The following CDH12 variants were observed in gnomAD, a reference collection of about 807,000 sequenced individuals.
CDH12 encodes cadherin 12, also known as cadherin-12.
In CDH12, 41 loss-of-function variants were observed where a neutral mutation model predicts 74.1. The ratio of observed to expected loss-of-function variants is 0.55; its 90% confidence interval spans 0.43 to 0.72. CDH12 has a LOEUF of 0.72. Ranked by LOEUF, CDH12 falls within the 30% of genes least tolerant of loss-of-function variation. CDH12 has a pLI of 0.00. For missense variants in CDH12, 945 were observed against 977.2 expected (o/e 0.97, Z 0.44); for synonymous variants, 399 against 355.0 (o/e 1.12, Z -1.39).
chr5:22,542,668 C>A (rs1212602333), intron 1 of CDH12, among the ~76,000 whole-genome samples: 1 of 152,046 alleles, frequency 6.6e-6, no homozygotes, highest in Non-Finnish European at 1.5e-5. Context: ...AAATGTGATT[C>A]TTTTTTCTCA....
At chr5:22,427,399 C>G (rs1743986483) in intron 2 of CDH12, among the ~76,000 whole-genome samples, 1 of 152,138 alleles carries the variant, frequency 6.6e-6, no homozygotes, top group African/African-American at 2.4e-5. Context: ...ATCTCTTGAC[C>G]TTGTAATCCA....
chr5:22,194,211 C>G (rs1750474241), intron 4 of CDH12, among the ~76,000 whole-genome samples: 1 of 151,822 alleles, frequency 6.6e-6, no homozygotes, highest in South Asian at 2.1e-4. Flanking sequence ...ATTCAGGTAC[C>G]AGGCTTGTGA....
chr5:21,772,511 T>A lies in CDH12; in HGVS notation c.1394-7412A>T, dbSNP rs116187932. Among the ~76,000 whole-genome samples, 800 of 152,324 alleles carry A rather than the reference T, an allele frequency of 5.3e-3. 6 individuals carry two copies. The highest frequency in any genetic ancestry group is 0.018 in the African/African-American group (745 of 41,574). ...AAATATCTTTTTACCTTCTTACTAT[T>A]GATCCACCGACCTTGGCCTTCCAAA... On this transcript the variant is annotated intron_variant, in intron 11 of 14. Coordinates refer to ENST00000382254, the MANE Select transcript of CDH12 (RefSeq NM_004061.5).
rs534277931 is a variant in CDH12 at position 22,045,055 on chromosome 5, A to C, written c.231+33391T>G. Among the ~76,000 whole-genome samples, 6 of 152,360 alleles carry C rather than the reference A, an allele frequency of 3.9e-5. No homozygotes were observed. In the South Asian group the frequency reaches 1.2e-3, roughly 32 times the overall value. ...ACCTGACAAAGGGTTAATATCAAGA[A>C]TATACGAGAAACTCAGACAATTCAA... On this transcript the variant is annotated intron_variant, in intron 5 of 14. Transcript: ENST00000382254.
Position 22,038,248 on chromosome 5 carries a change from G to C in CDH12, c.231+40198C>G, listed in dbSNP as rs115525093. On this transcript the variant is annotated intron_variant, in intron 5 of 14. Transcript: ENST00000382254. ...ACAGCAGAACCACCTCTGCCTGGTGGCCCAACACCCCCAAGCTAAGCTGTG... is the reference window on the plus strand; with the variant it reads ...ACAGCAGAACCACCTCTGCCTGGTGCCCCAACACCCCCAAGCTAAGCTGTG... Among the ~76,000 whole-genome samples, 594 of 152,062 alleles carry C rather than the reference G, an allele frequency of 3.9e-3. 3 individuals carry two copies. Among genetic ancestry groups the C allele is most frequent in the African/African-American group, 0.013 (557 of 41,376 alleles).
chr5:21,975,122 A>G lies in CDH12; in HGVS notation c.495T>C (p.Tyr165=). 6.3e-7 allele frequency: 1 copy of G among 1,597,210 alleles called. No individual in the cohort carries two copies. Among genetic ancestry groups the G allele is most frequent in the Non-Finnish European group, 8.5e-7 (1 of 1,179,564 alleles). ...DNEPKFLDGP[Y]VATVPEMSPV... ...GAGACATTTCTGGAACAGTAGCAAC[A>G]TAAGGTCCATCCAAAAACTTTGGCT... The change falls in exon 6 of 15, where the codon TAT becomes TAC. Residue 165 remains tyrosine (Y), a synonymous_variant. Transcript: ENST00000382254.
intron 1 of CDH12, among the ~76,000 whole-genome samples, chr5:22,694,141 G>C (rs1039103521): frequency 6.6e-6 from 1 of 151,626 alleles, no homozygotes; most frequent in Non-Finnish European, 1.5e-5. Context: ...GGTCTTGCTT[G>C]GTTGCCCAGG....
chr5:22,054,348 G>A (rs560092027), intron 5 of CDH12, among the ~76,000 whole-genome samples: 1 of 152,012 alleles, frequency 6.6e-6, no homozygotes, highest in Non-Finnish European at 1.5e-5. Context: ...CATATATATA[G>A]ATATCTGGTA....
intron 2 of CDH12, among the ~76,000 whole-genome samples, chr5:22,412,912 C>T (rs923816622): frequency 3.3e-5 from 5 of 151,900 alleles, no homozygotes; most frequent in African/African-American, 1.2e-4. Context: ...CTGCCTGCTT[C>T]CATCAAAATA....
chr5:22,761,571 C>T (rs891300577), intron 1 of CDH12, among the ~76,000 whole-genome samples: 1 of 152,070 alleles, frequency 6.6e-6, no homozygotes, highest in Non-Finnish European at 1.5e-5. Flanking sequence ...TATGAAGTTA[C>T]CAATCAGAAC....
At chr5:22,603,386 G>T (rs1414532928) in intron 1 of CDH12, among the ~76,000 whole-genome samples, 10 of 152,166 alleles carry the variant, frequency 6.6e-5, no homozygotes, top group African/African-American at 2.4e-4. Context: ...AAGTAAAAAT[G>T]TCCAGTGGCA....
At position 22,682,809 on chromosome 5, in the gene CDH12, A is replaced by AG. The variant is rs541734259; in HGVS notation, c.-523+170248dup. 4.1e-4 allele frequency among the ~76,000 whole-genome samples: 63 copies of AG among 152,206 alleles called. 1 individual carries two copies. The highest frequency in any genetic ancestry group is 1.3e-3 in the African/African-American group (56 of 41,558). ...AACCTTCCTCCCCTCAGAAAAAAAAAGCAAAACAAAACAAAAAACTATTAC... is the reference window on the plus strand; with the variant it reads ...AACCTTCCTCCCCTCAGAAAAAAAAAGGCAAAACAAAACAAAAAACTATTAC... On this transcript the variant is annotated intron_variant, in intron 1 of 14. Coordinates refer to ENST00000382254, the MANE Select transcript of CDH12 (RefSeq NM_004061.5).
intron 1 of CDH12, among the ~76,000 whole-genome samples, chr5:22,689,561 A>AT (rs1475947226): frequency 2.6e-5 from 4 of 152,130 alleles, no homozygotes; most frequent in Non-Finnish European, 4.4e-5. Context: ...GTTGACCCAT[A>AT]TTTTTTTGTT....
chr5:22,788,354 C>T (rs77801310), intron 1 of CDH12, among the ~76,000 whole-genome samples: 5,660 of 151,778 alleles, frequency 0.037, 360 homozygotes, highest in African/African-American at 0.13. Flanking sequence ...GATTTATATG[C>T]ACCTTTATTT....
intron 1 of CDH12, among the ~76,000 whole-genome samples, chr5:22,738,938 C>T (rs895673567): frequency 6.6e-6 from 1 of 151,988 alleles, no homozygotes; most frequent in Non-Finnish European, 1.5e-5. Context: ...TCATATTAAA[C>T]AACTGACATA....
Position 22,684,317 on chromosome 5 carries a change from A to G in CDH12, c.-523+168741T>C, listed in dbSNP as rs116633538. ...CCTTTGAGTTACAAACAATTCAATT[A>G]CATTCTTTAAGTTATTTTATAATAT... On this transcript the variant is annotated intron_variant, in intron 1 of 14. Coordinates refer to ENST00000382254, the MANE Select transcript of CDH12 (RefSeq NM_004061.5). 7.9e-3 allele frequency among the ~76,000 whole-genome samples: 1,197 copies of G among 152,338 alleles called. 13 individuals carry two copies. The highest frequency in any genetic ancestry group is 0.027 in the African/African-American group (1,138 of 41,582).
intron 5 of CDH12, among the ~76,000 whole-genome samples, chr5:22,002,225 G>A (rs1736648426): frequency 1.3e-5 from 2 of 152,122 alleles, no homozygotes; most frequent in South Asian, 4.1e-4. Flanking sequence ...AATGACAAAT[G>A]AATACTTTAT....
chr5:22,225,712 A>T (rs1349561385), intron 3 of CDH12, among the ~76,000 whole-genome samples: 1 of 152,108 alleles, frequency 6.6e-6, no homozygotes, highest in Non-Finnish European at 1.5e-5. Flanking sequence ...TTTAGGGTCC[A>T]TGTGAAAAAC....
At chr5:22,059,773 T>A (rs184392238) in intron 5 of CDH12, among the ~76,000 whole-genome samples, 1 of 152,254 alleles carries the variant, frequency 6.6e-6, no homozygotes, top group South Asian at 2.1e-4. Context: ...TTTAAAAAAA[T>A]AATTCTGTAT....
Sources: gnomAD v4.1 joint callset for allele counts (sites outside exome capture counted in the v4.1 genomes callset) on GRCh38, gnomAD v4.1.1 for gene constraint, MANE v1.5 for transcripts, NCBI Gene and HGNC (gene_info 2026-07-23, HGNC 2026-07-21) for gene names.